Variants in ACOXL observed in about 807,000 individuals in gnomAD.
ACOXL encodes acyl-coenzyme A oxidase-like protein.
ACOXL carries 70 observed loss-of-function variants against 71.9 expected under a neutral mutation model. That is an observed-to-expected ratio of 0.97 (90% confidence interval 0.80 to 1.19). The LOEUF (loss-of-function observed/expected upper bound fraction) is 1.19. Ranked by LOEUF, ACOXL falls within the 50% of genes most tolerant of loss-of-function variation. The pLI is 0.00. For synonymous variants in ACOXL, 253 were observed against 281.6 expected, an observed-to-expected ratio of 0.90 and a Z score of 1.02; for missense variants, 703 against 736.3, an observed-to-expected ratio of 0.95 and a Z score of 0.52.
chr2:110,799,536 T>A (rs1685700991), intron 7 of ACOXL, among the ~76,000 whole-genome samples: 1 of 152,142 alleles, frequency 6.6e-6, no homozygotes. Flanking sequence ...TACCGCTAAC[T>A]GTGGGGCTTA....
At position 110,933,576 on chromosome 2, in the gene ACOXL, G is replaced by T. The variant is rs149252518; in HGVS notation, c.993G>T (p.Leu331=). The change falls in exon 12 of 18, where the codon CTG becomes CTT. Residue 331 remains leucine, a synonymous_variant. Coordinates refer to ENST00000439055, the MANE Select transcript of ACOXL (RefSeq NM_001142807.4). ...CGCTGCAGGCTCTGGTGGCGGGGCT[G>T]AAGGCCTACAGCACCTGGGAGAACA... ...SRSLQALVAG[L]KAYSTWENIR... 414 of 1,614,046 alleles carry T rather than the reference G, an allele frequency of 2.6e-4. 2 individuals carry two copies. In the African/African-American group the frequency reaches 4.8e-3, roughly 19 times the overall value.
chr2:110,884,144 C>CTTAT (rs1697017313), intron 10 of ACOXL, among the ~76,000 whole-genome samples: 1 of 152,092 alleles, frequency 6.6e-6, no homozygotes, highest in South Asian at 2.1e-4. Flanking sequence ...TATGGGAACT[C>CTTAT]TTATAAGGAG....
chr2:110,791,323 A>G (rs1248273982), intron 3 of ACOXL, among the ~76,000 whole-genome samples: 1 of 152,262 alleles, frequency 6.6e-6, no homozygotes, highest in Non-Finnish European at 1.5e-5. Context: ...CAAAATGTGG[A>G]TAAAACACTC....
intron 1 of ACOXL, among the ~76,000 whole-genome samples, chr2:110,743,704 TTC>T (rs1225121013): frequency 6.6e-6 from 1 of 152,168 alleles, no homozygotes; most frequent in Non-Finnish European, 1.5e-5. Flanking sequence ...CATCCATAAT[TTC>T]TGTGTCTCCG....
intron 16 of ACOXL, among the ~76,000 whole-genome samples, chr2:111,051,292 A>T (rs541288154): frequency 7.2e-5 from 11 of 152,292 alleles, no homozygotes; most frequent in African/African-American, 2.6e-4. Flanking sequence ...TGTAGATGTT[A>T]TGTGAGAAAA....
intron 10 of ACOXL, among the ~76,000 whole-genome samples, chr2:110,851,191 G>C (rs557169870): frequency 6.6e-6 from 1 of 152,166 alleles, no homozygotes; most frequent in Non-Finnish European, 1.5e-5. Flanking sequence ...GTGGTGACAC[G>C]ACTGTATATA....
chr2:110,988,592 A>G (rs572793608), intron 13 of ACOXL, among the ~76,000 whole-genome samples: 202 of 152,294 alleles, frequency 1.3e-3, no homozygotes, highest in Non-Finnish European at 2.2e-3. Context: ...CTAGATAGTG[A>G]CAAATTATTT....
chr2:110,956,872 C>T (rs996207709), intron 12 of ACOXL, among the ~76,000 whole-genome samples: 1 of 152,120 alleles, frequency 6.6e-6, no homozygotes, highest in Admixed American at 6.5e-5. Context: ...ATGGGGCTGT[C>T]ACTGAAATGG....
At chr2:110,737,229 C>A (rs976472622) in intron 1 of ACOXL, among the ~76,000 whole-genome samples, 1 of 151,848 alleles carries the variant, frequency 6.6e-6, no homozygotes, top group Admixed American at 6.6e-5. Context: ...CCCTCTTCAT[C>A]CCTCATTTCT....
chr2:111,093,395 G>A (rs2068641398), intron 17 of ACOXL: 1 of 1,565,998 alleles, frequency 6.4e-7, no homozygotes, highest in South Asian at 1.1e-5. Context: ...GGTGAGGCCA[G>A]TATTCACCAC....
In ACOXL at chr2:110,926,176, A is replaced by G. The variant is rs186471087; in HGVS notation, c.906-7313A>G. Among the ~76,000 whole-genome samples, 35 of 152,330 alleles carry G rather than the reference A, an allele frequency of 2.3e-4. 1 individual carries two copies. Among genetic ancestry groups the G allele is most frequent in the Admixed American group, 7.8e-4 (12 of 15,306 alleles). On this transcript the variant is annotated intron_variant, in intron 11 of 17. Coordinates refer to ENST00000439055, the MANE Select transcript of ACOXL (RefSeq NM_001142807.4). The stretch of plus-strand genomic sequence containing the variant: ...ACCATAACAGATACAATAATAATGA[A>G]AAAGTTTGAAATATTGTGAGAATTA...
chr2:111,031,248 C>T (rs896955456), intron 14 of ACOXL, among the ~76,000 whole-genome samples: 11 of 151,898 alleles, frequency 7.2e-5, no homozygotes, highest in African/African-American at 2.7e-4. Context: ...AAGGAGGGAA[C>T]GTGGGCTGGT....
intron 17 of ACOXL, chr2:111,101,326 A>G (rs1191762261): frequency 1.3e-5 from 2 of 152,218 alleles, no homozygotes; most frequent in African/African-American, 2.4e-5. Context: ...CTGAACTTCA[A>G]GAAAAACAGA....
chr2:111,056,491 A>AAT lies in ACOXL; in HGVS notation c.1440+7214_1440+7215dup, dbSNP rs1257941433. ...TAGGGCTAACTTTTTAACTCAAAAA[A>AAT]ATATATATATATTTAGGCCAGGCAT... On this transcript the variant is annotated intron_variant, in intron 16 of 17. Coordinates refer to ENST00000439055, the MANE Select transcript of ACOXL (RefSeq NM_001142807.4). 2.2e-3 allele frequency among the ~76,000 whole-genome samples: 329 copies of AAT among 152,038 alleles called. 2 individuals are homozygous for AAT. The highest frequency in any genetic ancestry group is 7.6e-3 in the African/African-American group (317 of 41,492).
At chr2:111,086,413 A>T (rs1489542688) in intron 16 of ACOXL, among the ~76,000 whole-genome samples, 1 of 152,186 alleles carries the variant, frequency 6.6e-6, no homozygotes, top group Non-Finnish European at 1.5e-5. Flanking sequence ...TTCAACATAC[A>T]CAAGTTAATA....
intron 16 of ACOXL, among the ~76,000 whole-genome samples, chr2:111,076,737 C>G (rs2067619399): frequency 6.6e-6 from 1 of 152,128 alleles, no homozygotes; most frequent in South Asian, 2.1e-4. Flanking sequence ...AAAAATTATT[C>G]TTTCATAGTT....
At chr2:110,943,845 G>GT (rs546166820) in intron 12 of ACOXL, among the ~76,000 whole-genome samples, 90 of 151,680 alleles carry the variant, frequency 5.9e-4, no homozygotes, top group African/African-American at 1.5e-3. Flanking sequence ...CATTTTATTT[G>GT]TTTTTTTTAA....
chr2:110,842,838 C>T (rs868706371), intron 10 of ACOXL, among the ~76,000 whole-genome samples: 7 of 152,216 alleles, frequency 4.6e-5, no homozygotes, highest in Middle Eastern at 6.8e-3. Context: ...GCCAAGGTGC[C>T]GTTTTTTAGT....
intron 3 of ACOXL, among the ~76,000 whole-genome samples, chr2:110,789,849 G>A (rs944000973): frequency 1.4e-4 from 22 of 152,358 alleles, no homozygotes; most frequent in Non-Finnish European, 2.8e-4. Context: ...TCTTTAGGAG[G>A]CCCTTGTTGG....
Sources: gnomAD v4.1 joint callset for allele counts (sites outside exome capture counted in the v4.1 genomes callset) on GRCh38, gnomAD v4.1.1 for gene constraint, MANE v1.5 for transcripts, NCBI Gene and HGNC (gene_info 2026-07-23, HGNC 2026-07-21) for gene names.